The following NBEAL1 variants were observed in gnomAD, a reference collection of about 807,000 sequenced individuals.
NBEAL1 encodes neurobeachin like 1, also known as neurobeachin-like protein 1.
Under a neutral mutation model 351.3 loss-of-function variants are expected in NBEAL1, and 273 were observed. The observed-to-expected ratio is 0.78, with a 90% confidence interval of 0.70 to 0.86. NBEAL1 has a LOEUF of 0.86. Ranked by LOEUF, NBEAL1 falls within the 40% of genes least tolerant of loss-of-function variation. The pLI is 0.00. For synonymous variants in NBEAL1, 1,050 were observed against 1,086.4 expected (o/e 0.97, Z 0.66); for missense variants, 2,961 against 3,201.3 (o/e 0.92, Z 1.81).
At chr2:203,023,681 A>G (rs2060805016) in intron 2 of NBEAL1, among the ~76,000 whole-genome samples, 1 of 151,784 alleles carries the variant, frequency 6.6e-6, no homozygotes, top group Non-Finnish European at 1.5e-5. Flanking sequence ...AGACAAGATC[A>G]CTAACTAGGT....
At chr2:203,169,900 A>T in intron 39 of NBEAL1, 49 bp downstream of exon 39, 1 of 1,122,138 alleles carries the variant, frequency 8.9e-7, no homozygotes, top group East Asian at 2.5e-5. Context: ...CTTCATTTTA[A>T]GTAAAACTTG....
chr2:203,218,192 G>A lies in NBEAL1; in HGVS notation c.*838G>A, dbSNP rs1207393269. The A allele has an allele frequency of 6.6e-6, 1 of 152,468 alleles. No individual in the cohort carries two copies. Among genetic ancestry groups the A allele is most frequent in the Non-Finnish European group, 1.5e-5 (1 of 68,458 alleles). 9.4% of individuals were successfully genotyped at this position (152,468 alleles called of 1,614,324 possible). ...AGAGTTAGTAGTACCCAAATATGTT[G>A]AATTTTTACTTAGGATATCTGTGTG... On this transcript the variant is annotated 3_prime_UTR_variant, in exon 56 of 56. Transcript: ENST00000683969.
At chr2:203,138,416 G>A (rs1175201950) in intron 30 of NBEAL1, 101 bp downstream of exon 30, 1 of 1,162,070 alleles carries the variant, frequency 8.6e-7, no homozygotes, top group Non-Finnish European at 1.2e-6. Flanking sequence ...TGCTTAATCA[G>A]ATTCAATAAA....
chr2:203,077,967 A>G, intron 8 of NBEAL1, 130 bp downstream of exon 8: 1 of 434,822 alleles, frequency 2.3e-6, no homozygotes. Flanking sequence ...TATATATTGT[A>G]ACTAATCTAC....
chr2:203,183,562 A>G (rs2064796717), intron 44 of NBEAL1, among the ~76,000 whole-genome samples, 174 bp downstream of exon 44: 1 of 152,156 alleles, frequency 6.6e-6, no homozygotes, highest in Non-Finnish European at 1.5e-5. Flanking sequence ...ATCTTCTGAT[A>G]TAATGAGACT....
At chr2:203,099,521 T>C in intron 11 of NBEAL1, 108 bp from the exon 12 acceptor site, 1 of 635,038 alleles carries the variant, frequency 1.6e-6, no homozygotes, top group East Asian at 2.8e-5. Context: ...AGGAATGTAA[T>C]GCATGTTAAG....
intron 31 of NBEAL1, among the ~76,000 whole-genome samples, chr2:203,140,259 C>T (rs947736128): frequency 2.7e-5 from 4 of 148,912 alleles, no homozygotes; most frequent in African/African-American, 7.4e-5. Context: ...GCTGAGATCA[C>T]GCCATTGCAC....
Position 203,107,767 on chromosome 2 carries a change from C to A in NBEAL1, c.1528C>A (p.Arg510=). The A allele has an allele frequency of 6.4e-7, 1 of 1,554,182 alleles. No homozygotes were observed. Among genetic ancestry groups the A allele is most frequent in the Middle Eastern group, 1.7e-4 (1 of 5,994 alleles). The part of the protein sequence containing the change: ...KRICCINRQS[R]TTCVNANMGI... ...AATTTGTTGTATTAATAGACAGAGT[C>A]GAACTACTTGTGTCAATGCAAACAT... is the stretch of plus-strand genomic sequence containing the variant. The change falls in exon 14 of 56, where the codon CGA becomes AGA. Residue 510 remains arginine, a synonymous_variant. Coordinates refer to ENST00000683969, the MANE Select transcript of NBEAL1 (RefSeq NM_001378026.1).
intron 2 of NBEAL1, among the ~76,000 whole-genome samples, chr2:203,024,112 C>T (rs1435196624): frequency 6.6e-6 from 1 of 151,294 alleles, no homozygotes; most frequent in African/African-American, 2.4e-5. Context: ...GGGAGATTTG[C>T]TTGAGCTCGG....
At chr2:203,180,070 A>G (rs888259957) in intron 42 of NBEAL1, among the ~76,000 whole-genome samples, 1 of 152,238 alleles carries the variant, frequency 6.6e-6, no homozygotes, top group Non-Finnish European at 1.5e-5. Flanking sequence ...CACTGTACCC[A>G]GCCCTAAAAA....
rs1423336096 is a variant in NBEAL1 at position 203,113,211 on chromosome 2, A to G, written c.2399A>G (p.Gln800Arg). Residue 800 changes from glutamine (Q) to arginine (R), a missense_variant, in exon 17 of 56, where the codon CAA (glutamine) becomes CGA (arginine). Coordinates refer to ENST00000683969, the MANE Select transcript of NBEAL1 (RefSeq NM_001378026.1). ...LITKLISAGT[Q>R]DSEWGCPTSL... ...ACCAAATTGATATCAGCTGGAACCC[A>G]AGACAGTGAATGGGGGTGTCCCACA... 3.2e-6 allele frequency: 5 copies of G among 1,547,024 alleles called. No homozygotes were observed. The highest frequency in any genetic ancestry group is 4.4e-6 in the Non-Finnish European group (5 of 1,144,596).
At position 203,133,046 on chromosome 2, in the gene NBEAL1, T is replaced by A. The variant is rs2063108961; in HGVS notation, c.3725-12T>A. The stretch of plus-strand genomic sequence containing the variant: ...GGTATTTAATTTTAACTTTTTGTTT[T>A]TCCTACCATAGATCCTGTTATTAAT... On this transcript the variant is annotated splice_polypyrimidine_tract_variant and intron_variant, in intron 26 of 55. Transcript: ENST00000683969. 1 of 1,310,448 alleles carries A rather than the reference T, an allele frequency of 7.6e-7. No homozygotes were observed. The highest frequency in any genetic ancestry group is 1.1e-6 in the Non-Finnish European group (1 of 948,620). The allele number at this position is 1,310,448 out of a possible 1,614,324, so 81.2% of individuals were successfully genotyped here.
chr2:203,150,608 G>GT (rs1183762835), intron 34 of NBEAL1, among the ~76,000 whole-genome samples: 2 of 151,506 alleles, frequency 1.3e-5, no homozygotes, highest in South Asian at 4.2e-4. Flanking sequence ...GTTTTTTTGG[G>GT]TTTTTTTGGT....
chr2:203,032,778 C>T (rs2060971892), intron 2 of NBEAL1, among the ~76,000 whole-genome samples: 1 of 143,582 alleles, frequency 7.0e-6, no homozygotes, highest in Non-Finnish European at 1.5e-5. Context: ...GATTCTCCTG[C>T]CTCAGCCTCC....
chr2:203,190,149 AAG>A, intron 45 of NBEAL1, 141 bp from the exon 46 acceptor site: 2 of 563,198 alleles, frequency 3.6e-6, no homozygotes, highest in Non-Finnish European at 6.0e-6. Flanking sequence ...AAAAAAAAAA[AAG>A]ATGTGTGTAC....
chr2:203,084,514 T>TG lies in NBEAL1; in HGVS notation c.1043_1044insG (p.Ile348MetfsTer4). ...ACAGATAGACCTGTTCTTCAGGCCA[T>TG]TTTTCTTAACAGCAATTGCTTTGAA... is the stretch of plus-strand genomic sequence containing the variant. On this transcript the variant is annotated frameshift_variant, in exon 10 of 56. Transcript: ENST00000683969. LOFTEE classifies it high-confidence loss of function. The TG allele has an allele frequency of 6.5e-7, 1 of 1,545,100 alleles. No homozygotes were observed. Among genetic ancestry groups the TG allele is most frequent in the East Asian group, 2.4e-5 (1 of 41,376 alleles).
At chr2:203,072,895 G>T (rs529389019) in intron 7 of NBEAL1, among the ~76,000 whole-genome samples, 1 of 152,030 alleles carries the variant, frequency 6.6e-6, no homozygotes, top group South Asian at 2.1e-4. Flanking sequence ...GCTTGGGCTG[G>T]TATAACAAAA....
At chr2:203,093,160 A>G (rs1375572391) in intron 10 of NBEAL1, among the ~76,000 whole-genome samples, 1 of 138,798 alleles carries the variant, frequency 7.2e-6, no homozygotes, top group African/African-American at 2.6e-5. Context: ...TGAACCCAGG[A>G]GGTGGAGGTT....
At chr2:203,167,963 T>C (rs1260333863) in intron 38 of NBEAL1, among the ~76,000 whole-genome samples, 1 of 152,216 alleles carries the variant, frequency 6.6e-6, no homozygotes, top group Admixed American at 6.5e-5. Context: ...ATTCGCATTT[T>C]AATTGTGTCT....
Sources: gnomAD v4.1 joint callset for allele counts (sites outside exome capture counted in the v4.1 genomes callset) on GRCh38, gnomAD v4.1.1 for gene constraint, MANE v1.5 for transcripts, NCBI Gene and HGNC (gene_info 2026-07-23, HGNC 2026-07-21) for gene names.